DDX60: variants seen among roughly 807,000 people sequenced by gnomAD.
DDX60 encodes the protein probable ATP-dependent RNA helicase DDX60.
In DDX60, 165 loss-of-function variants were observed where a neutral mutation model predicts 212.8. The observed-to-expected ratio is 0.78, with a 90% confidence interval of 0.68 to 0.88. The LOEUF is 0.88. DDX60 is among the 40% of genes least tolerant of loss of function. The pLI is 0.00. For synonymous variants in DDX60, 703 were observed against 685.3 expected (o/e 1.03, Z -0.40); for missense variants, 1,905 against 2,003.9 (o/e 0.95, Z 0.94).
chr4:168,237,483 C>A, intron 31 of DDX60, 56 bp from the exon 32 acceptor site: 1 of 1,470,278 alleles, frequency 6.8e-7, no homozygotes, highest in Non-Finnish European at 9.1e-7. Flanking sequence ...TAATAAGTAA[C>A]TTATTAAGTA....
At chr4:168,304,999 C>A (rs879267006) in intron 5 of DDX60, among the ~76,000 whole-genome samples, 2 of 152,138 alleles carry the variant, frequency 1.3e-5, no homozygotes, top group Non-Finnish European at 2.9e-5. Flanking sequence ...ATGGTAAGTA[C>A]CCTATACAAG....
At chr4:168,313,726 AT>A (rs1241324342) in intron 1 of DDX60, among the ~76,000 whole-genome samples, 3 of 152,166 alleles carry the variant, frequency 2.0e-5, no homozygotes. Context: ...AGTCTCAGGA[AT>A]TTTTTTATGC....
intron 14 of DDX60, among the ~76,000 whole-genome samples, chr4:168,277,645 G>C (rs1311168177): frequency 6.6e-6 from 1 of 151,650 alleles, no homozygotes; most frequent in Non-Finnish European, 1.5e-5. Context: ...AGACCATCCT[G>C]GCTAACATGG....
intron 30 of DDX60, 92 bp downstream of exon 30, chr4:168,246,326 G>A: frequency 7.0e-7 from 1 of 1,429,178 alleles, no homozygotes; most frequent in Non-Finnish European, 9.7e-7. Context: ...AAACTCAAGG[G>A]TGATTGCTAC....
chr4:168,295,192 A>G (rs887367851), intron 6 of DDX60, among the ~76,000 whole-genome samples: 2 of 152,180 alleles, frequency 1.3e-5, no homozygotes, highest in African/African-American at 2.4e-5. Flanking sequence ...AAAAACTACA[A>G]TTAGAACTAT....
intron 33 of DDX60, 87 bp from the exon 34 acceptor site, chr4:168,225,763 G>A: frequency 8.2e-7 from 1 of 1,224,828 alleles, no homozygotes; most frequent in South Asian, 1.4e-5. Context: ...AAAGAACATT[G>A]CAATATAATT....
chr4:168,268,266 C>T (rs1216374119), intron 20 of DDX60, among the ~76,000 whole-genome samples: 1 of 152,084 alleles, frequency 6.6e-6, no homozygotes, highest in Non-Finnish European at 1.5e-5. Flanking sequence ...TGGAAGTAAG[C>T]TTAAATCATA....
At position 168,262,691 on chromosome 4, in the gene DDX60, G is replaced by A. The variant is rs754967893; in HGVS notation, c.3136C>T (p.Arg1046Trp). 18 of 1,607,942 alleles carry A rather than the reference G, an allele frequency of 1.1e-5. No homozygotes were observed. Among genetic ancestry groups the A allele is most frequent in the Non-Finnish European group, 1.4e-5 (17 of 1,175,642 alleles). Reference sequence around the variant, plus strand: ...ACATCATTATTATTTACCTGGGCCCGAGGCCAACTTTTCCAAATTTGAAAC... The same window carrying A: ...ACATCATTATTATTTACCTGGGCCCAAGGCCAACTTTTCCAAATTTGAAAC... The part of the protein sequence containing the change: ...AMFQIWKSWP[R>W]AQELCPENFI... The change falls in exon 23 of 38, where the codon CGG (arginine) becomes TGG (tryptophan). Residue 1046 changes from arginine (R) to tryptophan (W), a missense_variant. Transcript: ENST00000393743.
chr4:168,302,269 A>T (rs779484779), intron 6 of DDX60, 31 bp downstream of exon 6: 3 of 1,241,592 alleles, frequency 2.4e-6, no homozygotes, highest in Non-Finnish European at 2.2e-6. Flanking sequence ...AACTTAGTTC[A>T]AATACAAAGC....
intron 1 of DDX60, among the ~76,000 whole-genome samples, chr4:168,317,562 T>C (rs1478899758): frequency 1.3e-5 from 2 of 152,148 alleles, no homozygotes; most frequent in South Asian, 2.1e-4. Context: ...ATCAAGCTCC[T>C]GAAACCCTGC....
chr4:168,224,271 T>C lies in DDX60; in HGVS notation c.4796A>G (p.Asp1599Gly). The part of the protein sequence containing the change: ...FVCLSGNFDD[D>G]LLRLETPNHV... ...GTTTGGAGTTTCTAGTCGAAGCAAA[T>C]CATCATCAAAGTTCCCAGACAGACA... Residue 1599 changes from aspartate to glycine, a missense_variant, in exon 35 of 38, where the codon GAT (aspartate) becomes GGT (glycine). Transcript: ENST00000393743. 1 of 1,612,508 alleles carries C rather than the reference T, an allele frequency of 6.2e-7. No individual in the cohort carries two copies. Among genetic ancestry groups the C allele is most frequent in the South Asian group, 1.1e-5 (1 of 91,036 alleles).
chr4:168,252,053 G>C (rs1320463727), intron 27 of DDX60, among the ~76,000 whole-genome samples: 3 of 152,174 alleles, frequency 2.0e-5, no homozygotes, highest in Non-Finnish European at 4.4e-5. Flanking sequence ...CTGATTTTGA[G>C]AAATTCTGTG....
chr4:168,318,081 T>C (rs540049080), intron 1 of DDX60, among the ~76,000 whole-genome samples: 1 of 152,326 alleles, frequency 6.6e-6, no homozygotes, highest in East Asian at 1.9e-4. Context: ...CCACTATACC[T>C]GCCCCTTGAC....
intron 12 of DDX60, among the ~76,000 whole-genome samples, 178 bp from the exon 13 acceptor site, chr4:168,283,784 G>A (rs190954436): frequency 1.8e-4 from 28 of 152,224 alleles, no homozygotes; most frequent in Admixed American, 1.8e-3. Flanking sequence ...TTATTTAAAA[G>A]ATGGAAGTGA....
chr4:168,285,360 G>C lies in DDX60; in HGVS notation c.1445+33C>G, dbSNP rs554144956. 1.0e-5 allele frequency: 13 copies of C among 1,253,310 alleles called. No individual in the cohort carries two copies. The South Asian group carries it at 1.6e-4, about 16-fold the overall frequency. The allele number at this position is 1,253,310 out of a possible 1,614,324, so 77.6% of individuals were successfully genotyped here. A position where few individuals can be genotyped will look rare whatever the true frequency, so the allele number is the denominator to read the frequency against. The stretch of plus-strand genomic sequence containing the variant: ...TGAGTAACTCATGTATTCCACACAA[G>C]TATTTATTGAGGCACAGTTTTTGGC... On this transcript the variant is annotated intron_variant, in intron 11 of 37. Coordinates refer to ENST00000393743, the MANE Select transcript of DDX60 (RefSeq NM_017631.6).
chr4:168,292,255 G>A (rs953021847), intron 7 of DDX60, among the ~76,000 whole-genome samples: 3 of 151,790 alleles, frequency 2.0e-5, no homozygotes, highest in Non-Finnish European at 4.4e-5. Context: ...ACCATGGCCA[G>A]GCTGGTCTCG....
chr4:168,281,706 C>A (rs1223042583), intron 13 of DDX60, among the ~76,000 whole-genome samples: 1 of 152,160 alleles, frequency 6.6e-6, no homozygotes, highest in Non-Finnish European at 1.5e-5. Flanking sequence ...CAAGAGGATT[C>A]CAACACATTT....
intron 22 of DDX60, among the ~76,000 whole-genome samples, chr4:168,267,279 C>T (rs1418763947): frequency 1.3e-5 from 2 of 152,088 alleles, no homozygotes; most frequent in African/African-American, 4.8e-5. Flanking sequence ...GACAGACAGA[C>T]ATGGGAGCTG....
At chr4:168,317,057 C>CAAAAAA (rs34647800) in intron 1 of DDX60, among the ~76,000 whole-genome samples, 11 of 49,494 alleles carry the variant, frequency 2.2e-4, no homozygotes, top group African/African-American at 5.8e-4. Context: ...GACTCCGTCT[C>CAAAAAA]AAAAAAAAAA....
Sources: allele counts gnomAD v4.1 joint callset (sites outside exome capture counted in the v4.1 genomes callset), GRCh38; gene constraint gnomAD v4.1.1; transcripts MANE v1.5; gene names NCBI Gene and HGNC (gene_info 2026-07-23, HGNC 2026-07-21).